The following USP46 variants were observed in gnomAD, a reference collection of about 807,000 sequenced individuals.
USP46 encodes ubiquitin specific peptidase 46.
A neutral mutation model predicts 44.4 loss-of-function variants in USP46; 12 were observed. The observed-to-expected ratio is 0.27, with a 90% confidence interval of 0.17 to 0.44. The LOEUF is 0.44. Among genes scored for constraint, USP46 ranks in the 20% least tolerant of loss-of-function variants. USP46 has a pLI of 1.00. For missense variants in USP46, 248 were observed against 444.8 expected (o/e 0.56, Z 3.98); for synonymous variants, 155 against 161.5 (o/e 0.96, Z 0.31).
chr4:52,649,639 C>T (rs1718681346), intron 1 of USP46, among the ~76,000 whole-genome samples: 1 of 152,228 alleles, frequency 6.6e-6, no homozygotes, highest in Admixed American at 6.5e-5. Flanking sequence ...AATGCCTATG[C>T]ATGATAAAAT....
rs781712009 is a variant in USP46 at position 52,659,190 on chromosome 4, C to A, written c.-40G>T. ...CAGCGATCCCTCACCGCCATCTTTA[C>A]AAGGGGAAACCGGGACTGCCCATGG... On this transcript the variant is annotated 5_prime_UTR_variant, in exon 1 of 9. Transcript: ENST00000441222. The surrounding 1 kb of genome is among the most constrained non-coding windows in gnomAD (Gnocchi z 4.2). The A allele has an allele frequency of 3.9e-6, 6 of 1,521,200 alleles. No homozygotes were observed. The East Asian group carries it at 8.2e-5, about 21-fold the overall frequency. The allele number at this position is 1,521,200 out of a possible 1,614,324, so 94.2% of individuals were successfully genotyped here.
intron 5 of USP46, among the ~76,000 whole-genome samples, chr4:52,609,896 TTC>T (rs1341267665): frequency 4.9e-5 from 5 of 102,868 alleles, no homozygotes; most frequent in Admixed American, 2.4e-4. Flanking sequence ...TCAATTCTAT[TTC>T]TTTTTTTTTT....
At chr4:52,599,688 T>G (rs1172133893) in intron 7 of USP46, among the ~76,000 whole-genome samples, 2 of 152,142 alleles carry the variant, frequency 1.3e-5, no homozygotes, top group Admixed American at 1.3e-4. Context: ...TGAGGAGATT[T>G]CAATCCTAAA....
chr4:52,600,782 T>G (rs1716437660), intron 7 of USP46, among the ~76,000 whole-genome samples: 1 of 152,168 alleles, frequency 6.6e-6, no homozygotes, highest in Admixed American at 6.5e-5. Context: ...ATGTGAGGCC[T>G]CATCCAGTGC....
At chr4:52,655,249 C>A (rs1718908615) in intron 1 of USP46, 1 of 152,210 alleles carries the variant, frequency 6.6e-6, no homozygotes, top group African/African-American at 2.4e-5. Context: ...AATGTTAACA[C>A]CCACAAGATA....
At chr4:52,625,262 T>C (rs1717532685) in intron 4 of USP46, among the ~76,000 whole-genome samples, 1 of 152,046 alleles carries the variant, frequency 6.6e-6, no homozygotes, top group African/African-American at 2.4e-5. Context: ...TCATCATCCC[T>C]ATTTTATAGA....
intron 7 of USP46, among the ~76,000 whole-genome samples, chr4:52,599,432 G>T (rs775482960): frequency 3.9e-5 from 6 of 152,130 alleles, no homozygotes; most frequent in Non-Finnish European, 8.8e-5. Flanking sequence ...AGGCGGGGAA[G>T]ACCAGAGGGG....
At chr4:52,615,596 A>G (rs887393160) in intron 4 of USP46, among the ~76,000 whole-genome samples, 5 of 152,226 alleles carry the variant, frequency 3.3e-5, no homozygotes, top group African/African-American at 1.2e-4. Context: ...ATGAATCTCA[A>G]AAACGTTATG....
At chr4:52,641,897 T>C (rs1718357515) in intron 1 of USP46, among the ~76,000 whole-genome samples, 2 of 152,246 alleles carry the variant, frequency 1.3e-5, no homozygotes, top group African/African-American at 4.8e-5. Flanking sequence ...TCATTAATTA[T>C]AGACCATAAA....
intron 1 of USP46, among the ~76,000 whole-genome samples, chr4:52,645,744 G>A (rs1362994279): frequency 6.6e-6 from 1 of 152,116 alleles, no homozygotes; most frequent in Non-Finnish European, 1.5e-5. Context: ...ATATGGTTTG[G>A]CTCTGTGTCC....
intron 1 of USP46, among the ~76,000 whole-genome samples, chr4:52,639,445 A>G (rs1718245267): frequency 6.6e-6 from 1 of 152,106 alleles, no homozygotes; most frequent in Non-Finnish European, 1.5e-5. Context: ...GCCAGTTTCC[A>G]TCTTTGGAAC....
At chr4:52,636,056 T>C (rs2066912484) in intron 1 of USP46, among the ~76,000 whole-genome samples, 1 of 152,188 alleles carries the variant, frequency 6.6e-6, no homozygotes, top group Admixed American at 6.5e-5. Flanking sequence ...ATTCAGGCTG[T>C]AGATGGAATT....
intron 5 of USP46, among the ~76,000 whole-genome samples, chr4:52,606,521 GA>G (rs1716695448): frequency 6.6e-6 from 1 of 152,166 alleles, no homozygotes; most frequent in Non-Finnish European, 1.5e-5. Context: ...AAAACCATCA[GA>G]TCTTGTGAGA....
chr4:52,632,563 G>A (rs781173470), intron 1 of USP46, among the ~76,000 whole-genome samples: 9 of 152,066 alleles, frequency 5.9e-5, no homozygotes, highest in Non-Finnish European at 8.8e-5. Flanking sequence ...GCTCACACCT[G>A]TAATTCCAGC....
chr4:52,605,063 T>C (rs1434764942), intron 5 of USP46, among the ~76,000 whole-genome samples: 3 of 152,134 alleles, frequency 2.0e-5, no homozygotes, highest in Non-Finnish European at 2.9e-5. Context: ...TAATGAAAAA[T>C]AGTATTTCTC....
In USP46 at chr4:52,659,224, T is replaced by C; in HGVS notation, c.-74A>G. 1 of 1,267,700 alleles carries C rather than the reference T, an allele frequency of 7.9e-7. No individual in the cohort carries two copies. The highest frequency in any genetic ancestry group is 1.0e-6 in the Non-Finnish European group (1 of 977,742). 78.5% of individuals were successfully genotyped at this position (1,267,700 alleles called of 1,614,324 possible). The stretch of plus-strand genomic sequence containing the variant: ...ACCGGGACTGCCCATGGTGGCGCGC[T>C]GGCGGGGAGGCCGGGCGGCAGCGCG... On this transcript the variant is annotated 5_prime_UTR_variant, in exon 1 of 9. Transcript: ENST00000441222. The surrounding 1 kb of genome is among the most constrained non-coding windows in gnomAD (Gnocchi z 4.2).
intron 4 of USP46, among the ~76,000 whole-genome samples, chr4:52,613,442 G>T (rs956217242): frequency 6.6e-6 from 1 of 152,048 alleles, no homozygotes. Context: ...AACAGAATCC[G>T]GCCGGGTGTG....
At position 52,592,671 on chromosome 4, in the gene USP46, T is replaced by C. The variant is rs537738061; in HGVS notation, c.*4969A>G. 1 of 380,384 alleles carries C rather than the reference T, an allele frequency of 2.6e-6. No individual in the cohort carries two copies. Among genetic ancestry groups the C allele is most frequent in the South Asian group, 1.5e-4 (1 of 6,844 alleles). 23.6% of individuals were successfully genotyped at this position (380,384 alleles called of 1,614,324 possible). The stretch of plus-strand genomic sequence containing the variant: ...TTGGCCAATATGAGAAAACTTTGTA[T>C]CTACTGAAAATACAAAAATTACCCG... On this transcript the variant is annotated 3_prime_UTR_variant, in exon 9 of 9. Transcript: ENST00000441222.
Position 52,592,712 on chromosome 4 carries a change from G to A in USP46, c.*4928C>T. 1.3e-5 allele frequency: 5 copies of A among 393,916 alleles called. No homozygotes were observed. The highest frequency in any genetic ancestry group is 3.6e-5 in the East Asian group (1 of 27,832). 24.4% of individuals were successfully genotyped at this position (393,916 alleles called of 1,614,324 possible). A position where few individuals can be genotyped will look rare whatever the true frequency, so the allele number is the denominator to read the frequency against. Reference sequence around the variant, plus strand: ...AAATTACCCGGGTATAGTGGCACATGCCTGTAGTCCCAGCTACTTGGGAGG... The same window carrying A: ...AAATTACCCGGGTATAGTGGCACATACCTGTAGTCCCAGCTACTTGGGAGG... On this transcript the variant is annotated 3_prime_UTR_variant, in exon 9 of 9. Transcript: ENST00000441222.
Sources: gnomAD v4.1 joint callset for allele counts (sites outside exome capture counted in the v4.1 genomes callset) on GRCh38, gnomAD v4.1.1 for gene constraint, Gnocchi (gnomAD v3.1) non-coding constraint, MANE v1.5 for transcripts, NCBI Gene and HGNC (gene_info 2026-07-23, HGNC 2026-07-21) for gene names.